The following DDX52 variants were observed in gnomAD, a reference collection of about 807,000 sequenced individuals.
The protein encoded by DDX52 is DExD-box helicase 52.
A neutral mutation model predicts 76.1 loss-of-function variants in DDX52; 59 were observed. The observed-to-expected ratio is 0.78, with a 90% CI of 0.63 to 0.96. The LOEUF is 0.96. Ranked by LOEUF, DDX52 falls within the 40% of genes least tolerant of loss-of-function variation. DDX52 has a pLI of 0.00. For missense variants in DDX52, 707 were observed against 703.9 expected, an observed-to-expected ratio of 1.00 and a Z score of -0.05; for synonymous variants, 231 against 244.1, an observed-to-expected ratio of 0.95 and a Z score of 0.50.
Position 37,620,886 on chromosome 17 carries a change from G to A in DDX52, c.1564C>T (p.Pro522Ser). 1 of 1,589,786 alleles carries A rather than the reference G, an allele frequency of 6.3e-7. No homozygotes were observed. The highest frequency in any genetic ancestry group is 8.5e-7 in the Non-Finnish European group (1 of 1,173,170). Reference sequence around the variant, plus strand: ...TTTCTAATTTACCTTCTTAATAATGGCTTATCATCCTCAGTGAAAAATGTA... The same window carrying A: ...TTTCTAATTTACCTTCTTAATAATGACTTATCATCCTCAGTGAAAAATGTA... ...AITFFTEDDK[P>S]LLRSVANVIQ... The change falls in exon 12 of 15, where the codon CCA becomes TCA. Residue 522 changes from proline (P) to serine (S), a missense_variant. Physicochemically the swap from Pro to Ser is moderately conservative, Grantham distance 74. Coordinates refer to ENST00000617633, the MANE Select transcript of DDX52 (RefSeq NM_007010.5).
rs1373649625 is a variant in DDX52, at chr17:37,612,722, A to C, written c.*1574T>G. ...TTATCAAGCCTGTATTCCTAACAAAATCTATGTTTAAGAAATATTTATTGT... is the reference window on the plus strand; with the variant it reads ...TTATCAAGCCTGTATTCCTAACAAACTCTATGTTTAAGAAATATTTATTGT... On this transcript the variant is annotated 3_prime_UTR_variant, in exon 15 of 15. Transcript: ENST00000617633. 1 of 152,206 alleles carries C rather than the reference A, an allele frequency of 6.6e-6. No homozygotes were observed. The highest frequency in any genetic ancestry group is 1.5e-5 in the Non-Finnish European group (1 of 68,034). 9.4% of individuals were successfully genotyped at this position (152,206 alleles called of 1,614,324 possible). A position where few individuals can be genotyped will look rare whatever the true frequency, so the allele number is the denominator to read the frequency against.
intron 9 of DDX52, among the ~76,000 whole-genome samples, chr17:37,623,867 C>T (rs1376225771): frequency 6.6e-6 from 1 of 152,196 alleles, no homozygotes; most frequent in African/African-American, 2.4e-5. Flanking sequence ...CTTGTATTGT[C>T]CAGTGCTGAC....
At chr17:37,626,170 A>G (rs1324648561) in intron 7 of DDX52, 72 bp from the exon 8 acceptor site, 10 of 1,517,382 alleles carry the variant, frequency 6.6e-6, no homozygotes, top group Non-Finnish European at 9.1e-6. Context: ...CTGTGGGGAC[A>G]GTGGACACAT....
chr17:37,640,258 CTTG>C (rs973193521), intron 2 of DDX52, among the ~76,000 whole-genome samples: 19 of 152,292 alleles, frequency 1.2e-4, no homozygotes, highest in Admixed American at 9.1e-4. Flanking sequence ...CACACAGGAA[CTTG>C]TTAAATCAAT....
intron 14 of DDX52, among the ~76,000 whole-genome samples, chr17:37,616,743 T>C (rs1024711778): frequency 2.0e-5 from 3 of 152,162 alleles, no homozygotes; most frequent in East Asian, 1.9e-4. Flanking sequence ...TATTGATTGA[T>C]TGACTATTCA....
At chr17:37,639,447 T>TA in intron 2 of DDX52, 1 of 995,556 alleles carries the variant, frequency 1.0e-6, no homozygotes, top group Non-Finnish European at 1.2e-6. Flanking sequence ...TAAAAATAGA[T>TA]ACATGCCTGG....
In DDX52 at chr17:37,634,093, C is replaced by T. The variant is rs1475774151; in HGVS notation, c.287-675G>A. Among the ~76,000 whole-genome samples, 7 of 151,564 alleles carry T rather than the reference C, an allele frequency of 4.6e-5. 1 individual carries two copies. The highest frequency in any genetic ancestry group is 2.6e-4 in the Admixed American group (4 of 15,232). On this transcript the variant is annotated intron_variant, in intron 2 of 14. Transcript: ENST00000617633. Reference sequence around the variant, plus strand: ...CCAAGTAGCTGGGATTACAGGAATCCGCCACCATGCCCGGCTAATTTTGTT... The same window carrying T: ...CCAAGTAGCTGGGATTACAGGAATCTGCCACCATGCCCGGCTAATTTTGTT...
intron 4 of DDX52, among the ~76,000 whole-genome samples, chr17:37,630,404 G>A (rs186699487): frequency 1.9e-4 from 29 of 152,232 alleles, no homozygotes; most frequent in Admixed American, 1.5e-3. Flanking sequence ...AAGAATACGG[G>A]TAACTAAAAC....
chr17:37,640,776 AGG>A, intron 2 of DDX52, among the ~76,000 whole-genome samples: 1 of 151,438 alleles, frequency 6.6e-6, no homozygotes, highest in Admixed American at 6.6e-5. Flanking sequence ...TCACGAGGTC[AGG>A]AGTTCAAGAC....
chr17:37,618,118 AAAAC>A (rs999696734), intron 14 of DDX52, among the ~76,000 whole-genome samples, 170 bp downstream of exon 14: 21 of 152,276 alleles, frequency 1.4e-4, no homozygotes, highest in Admixed American at 1.3e-3. Flanking sequence ...CTGTCTCAAA[AAAAC>A]AAACAAACAA....
chr17:37,641,803 G>C (rs949766330), intron 2 of DDX52, among the ~76,000 whole-genome samples: 8 of 152,000 alleles, frequency 5.3e-5, no homozygotes, highest in Admixed American at 2.0e-4. Flanking sequence ...GCACTGACAA[G>C]GACTTGGGAA....
intron 13 of DDX52, 131 bp from the exon 14 acceptor site, chr17:37,618,515 C>T: frequency 1.4e-6 from 1 of 720,538 alleles, no homozygotes; most frequent in Non-Finnish European, 2.1e-6. Flanking sequence ...GAGTTTTGCT[C>T]TTGTTGCCCA....
intron 2 of DDX52, among the ~76,000 whole-genome samples, chr17:37,640,070 A>C (rs1484443136): frequency 6.6e-6 from 1 of 152,258 alleles, no homozygotes; most frequent in Admixed American, 6.5e-5. Context: ...ACAATGAACA[A>C]GGCAAAGTAC....
chr17:37,619,838 C>G lies in DDX52; in HGVS notation c.1579G>C (p.Val527Leu), dbSNP rs373705840. The G allele has an allele frequency of 6.2e-7, 1 of 1,612,040 alleles. No homozygotes were observed. The highest frequency in any genetic ancestry group is 8.5e-7 in the Non-Finnish European group (1 of 1,179,440). ...TEDDKPLLRS[V>L]ANVIQQAGCP... ...CCAGCCTGCTGTATAACATTAGCAACGCTGAAAAAGAAACCCATAAACATA... is the reference window on the plus strand; with the variant it reads ...CCAGCCTGCTGTATAACATTAGCAAGGCTGAAAAAGAAACCCATAAACATA... Residue 527 changes from valine (V) to leucine (L), a missense_variant and splice_region_variant, in exon 13 of 15, where the codon GTT becomes CTT. Coordinates refer to ENST00000617633, the MANE Select transcript of DDX52 (RefSeq NM_007010.5).
intron 4 of DDX52, chr17:37,631,853 C>G: frequency 2.0e-6 from 1 of 495,814 alleles, no homozygotes. Context: ...ATAAATGTTG[C>G]AAGGAAAAGA....
intron 9 of DDX52, among the ~76,000 whole-genome samples, chr17:37,622,260 TTTTTAACC>T (rs1344773804): frequency 6.6e-6 from 1 of 152,096 alleles, no homozygotes; most frequent in Non-Finnish European, 1.5e-5. Flanking sequence ...ACCAGCTATC[TTTTTAACC>T]GTTCATATTA....
chr17:37,612,983 T>C lies in DDX52; in HGVS notation c.*1313A>G, dbSNP rs749155670. On this transcript the variant is annotated 3_prime_UTR_variant, in exon 15 of 15. Coordinates refer to ENST00000617633, the MANE Select transcript of DDX52 (RefSeq NM_007010.5). ...TTTTTACACCCTGTACCAGTAGATC[T>C]TTCTTTAAATAAATTCCGAAGATGA... The C allele has an allele frequency of 2.0e-5, 3 of 152,222 alleles. No individual in the cohort carries two copies. The highest frequency in any genetic ancestry group is 6.5e-5 in the Admixed American group (1 of 15,280). The allele number at this position is 152,222 out of a possible 1,614,324, so 9.4% of individuals were successfully genotyped here.
At chr17:37,633,212 G>A in intron 3 of DDX52, 76 bp downstream of exon 3, 1 of 1,428,242 alleles carries the variant, frequency 7.0e-7, no homozygotes, top group South Asian at 1.5e-5. Context: ...ATTAACAACA[G>A]AATAACCCAA....
At chr17:37,639,276 G>A (rs762291626) in intron 2 of DDX52, among the ~76,000 whole-genome samples, 1 of 152,092 alleles carries the variant, frequency 6.6e-6, no homozygotes, top group Non-Finnish European at 1.5e-5. Flanking sequence ...AGGGTACAAC[G>A]TACACGAAGA....
Sources: gnomAD v4.1 joint callset for allele counts (sites outside exome capture counted in the v4.1 genomes callset) on GRCh38, gnomAD v4.1.1 for gene constraint, MANE v1.5 for transcripts, NCBI Gene and HGNC (gene_info 2026-07-23, HGNC 2026-07-21) for gene names.